Variants in FYCO1 observed in about 807,000 individuals in gnomAD.
The protein encoded by FYCO1 is FYVE and coiled-coil domain autophagy adaptor 1.
A neutral mutation model predicts 165.1 loss-of-function variants in FYCO1; 122 were observed. The observed-to-expected ratio is 0.74, with a 90% CI of 0.64 to 0.86. The LOEUF (loss-of-function observed/expected upper bound fraction) is 0.86. Ranked by LOEUF, FYCO1 falls within the 40% of genes least tolerant of loss-of-function variation. The pLI is 0.00. For synonymous variants in FYCO1, 648 were observed against 742.5 expected (o/e 0.87, Z 2.07); for missense variants, 1,702 against 1,810.3 (o/e 0.94, Z 1.09).
rs139730012 is a variant in FYCO1, at chr3:45,973,132, C to T, written c.495G>A (p.Ala165=). Residue 165 remains alanine, a synonymous_variant, in exon 6 of 18, where the codon GCG becomes GCA. Transcript: ENST00000296137. ...YELTEVQFDL[A]SRGFDLDAAW... is the part of the protein sequence containing the mutation. Reference sequence around the variant, plus strand: ...CAGCATCCAAGTCAAAGCCCCTCGACGCCAGGTCAAACTGAACCTCAGTCA... The same window carrying T: ...CAGCATCCAAGTCAAAGCCCCTCGATGCCAGGTCAAACTGAACCTCAGTCA... 41 of 1,614,122 alleles carry T rather than the reference C, an allele frequency of 2.5e-5. No homozygotes were observed. Among genetic ancestry groups the T allele is most frequent in the African/African-American group, 1.3e-4 (10 of 74,942 alleles).
At chr3:45,983,845 C>T (rs1000321970) in intron 2 of FYCO1, among the ~76,000 whole-genome samples, 2 of 152,186 alleles carry the variant, frequency 1.3e-5, no homozygotes, top group African/African-American at 4.8e-5. Flanking sequence ...CATGAAATGC[C>T]ATGAAATTGT....
rs757459352 is a variant in FYCO1, at chr3:45,968,172, G to A, written c.1162C>T (p.Arg388Trp). 6.8e-6 allele frequency: 11 copies of A among 1,613,908 alleles called. No homozygotes were observed. The highest frequency in any genetic ancestry group is 2.2e-5 in the East Asian group (1 of 44,882). Residue 388 changes from arginine to tryptophan, a missense_variant, in exon 8 of 18, where the codon CGG becomes TGG. Physicochemically the swap from Arg to Trp is moderately radical, Grantham distance 101. Transcript: ENST00000296137. Reference sequence around the variant, plus strand: ...GCATCACTGGGAATAGGTTCTTGCCGGCCCTTTGTGTCTGATGCCGTATCT... The same window carrying A: ...GCATCACTGGGAATAGGTTCTTGCCAGCCCTTTGTGTCTGATGCCGTATCT... ...KADTASDTKG[R>W]QEPIPSDAAQ...
At chr3:45,966,249 G>A (rs779998209) in intron 8 of FYCO1, 28 bp downstream of exon 8, 2 of 1,609,702 alleles carry the variant, frequency 1.2e-6, no homozygotes, top group Non-Finnish European at 1.7e-6. Flanking sequence ...GAGAGGGGTA[G>A]AGCCCAAGTG....
At chr3:45,976,369 G>A (rs1706758705) in intron 4 of FYCO1, among the ~76,000 whole-genome samples, 2 of 152,234 alleles carry the variant, frequency 1.3e-5, no homozygotes. Flanking sequence ...TAATGGCCAA[G>A]GCGGATGGAA....
In FYCO1 at chr3:45,968,426, TC is replaced by T; in HGVS notation, c.907del (p.Glu303ArgfsTer10). The stretch of plus-strand genomic sequence containing the variant: ...AGTGTTCTGGGTGGCCTGGGTGACC[TC>T]CCACTGCTTCTGGAGCTCAGCTACC... ...CLVAELQKQWEVTQATQNTVK... is the reference protein window; with the variant it reads ...CLVAELQKQWXVTQATQNTVK... On this transcript the variant is annotated frameshift_variant, in exon 8 of 18. Coordinates refer to ENST00000296137, the MANE Select transcript of FYCO1 (RefSeq NM_024513.4). LOFTEE classifies it high-confidence loss of function. 1 of 1,613,880 alleles carries T rather than the reference TC, an allele frequency of 6.2e-7. No individual in the cohort carries two copies. The highest frequency in any genetic ancestry group is 8.5e-7 in the Non-Finnish European group (1 of 1,179,952).
Position 45,984,858 on chromosome 3 carries a change from T to A in FYCO1, c.53A>T (p.Gln18Leu), listed in dbSNP as rs777983370. The change falls in exon 2 of 18, where the codon CAA becomes CTA. Residue 18 changes from glutamine (Q) to leucine (L), a missense_variant and splice_region_variant. Physicochemically the swap from Gln to Leu is moderately radical, Grantham distance 113. Transcript: ENST00000296137. ...SQLQRIIRDLQDAVTELSKEF... is the reference protein window; with the variant it reads ...SQLQRIIRDLLDAVTELSKEF... ...GCCTGCCCAGCAACCTACCATACCT[T>A]GCAAGTCTCGGATGATTCTCTGGAG... The A allele has an allele frequency of 1.2e-6, 2 of 1,614,014 alleles. No homozygotes were observed. Among genetic ancestry groups the A allele is most frequent in the Non-Finnish European group, 1.7e-6 (2 of 1,180,014 alleles).
rs1706129555 is a variant in FYCO1, at chr3:45,967,440, T to G, written c.1894A>C (p.Asn632His). 2 of 1,613,478 alleles carry G rather than the reference T, an allele frequency of 1.2e-6. No individual in the cohort carries two copies. The highest frequency in any genetic ancestry group is 2.7e-5 in the African/African-American group (2 of 74,924). ...TGCAGCTTGCCCTCCAGGAGCTGGT[T>G]ACGCCCGACCACATTCTGTAGCTCC... ...EKELQNVVGR[N>H]QLLEGKLQAL... is the part of the protein sequence containing the mutation. Residue 632 changes from asparagine to histidine, a missense_variant, in exon 8 of 18, where the codon AAC (asparagine) becomes CAC (histidine). Physicochemically the swap from Asn to His is moderately conservative, Grantham distance 68. Coordinates refer to ENST00000296137, the MANE Select transcript of FYCO1 (RefSeq NM_024513.4).
chr3:45,932,702 G>A (rs551892410), intron 15 of FYCO1, among the ~76,000 whole-genome samples: 39 of 152,202 alleles, frequency 2.6e-4, no homozygotes, highest in Non-Finnish European at 4.6e-4. Flanking sequence ...TAATGAGAAC[G>A]GTAAGAAATG....
rs1705788216 is a variant in FYCO1, at chr3:45,962,939, C to T, written c.3270-547G>A. Among the ~76,000 whole-genome samples, 1 of 152,182 alleles carries T rather than the reference C, an allele frequency of 6.6e-6. No individual in the cohort carries two copies. Among genetic ancestry groups the T allele is most frequent in the Non-Finnish European group, 1.5e-5 (1 of 68,026 alleles). On this transcript the variant is annotated intron_variant, in intron 10 of 17. Coordinates refer to ENST00000296137, the MANE Select transcript of FYCO1 (RefSeq NM_024513.4). This position sits in a 1 kb window ranked among gnomAD's most constrained non-coding sequence, Gnocchi z 4.4. ...GGCCCAGGGAATTCCGTTTTGGGTG[C>T]TGCAGGGTGTCTCAGTCTATAGCAG...
Position 45,968,483 on chromosome 3 carries a change from G to A in FYCO1, c.851C>T (p.Ala284Val). ...LQTERERGRT[A>V]AEDNVRLTCL... ...AGTGAGGCGAACGTTGTCCTCCGCT[G>A]CAGTGCGCCCCCTCTCCCTCTCTGT... is the stretch of plus-strand genomic sequence containing the variant. Residue 284 changes from alanine to valine, a missense_variant, in exon 8 of 18, where the codon GCA becomes GTA. Physicochemically the swap from Ala to Val is moderately conservative, Grantham distance 64. Transcript: ENST00000296137. 6.2e-7 allele frequency: 1 copy of A among 1,614,032 alleles called. No homozygotes were observed. Among genetic ancestry groups the A allele is most frequent in the Non-Finnish European group, 8.5e-7 (1 of 1,180,048 alleles).
At chr3:45,965,537 T>C (rs1402937213) in intron 8 of FYCO1, among the ~76,000 whole-genome samples, 1 of 152,220 alleles carries the variant, frequency 6.6e-6, no homozygotes, top group Non-Finnish European at 1.5e-5. Context: ...CATTCTGCGC[T>C]GTCTTCACTC....
intron 17 of FYCO1, among the ~76,000 whole-genome samples, chr3:45,922,582 C>T (rs905915695): frequency 6.6e-6 from 1 of 152,194 alleles, no homozygotes; most frequent in Non-Finnish European, 1.5e-5. Context: ...CCAAAGAGAG[C>T]TCTCTGGCCA....
At position 45,995,253 on chromosome 3, in the gene FYCO1, G is replaced by T. The variant is rs1277614970; in HGVS notation, c.-113+469C>A. Among the ~76,000 whole-genome samples the T allele has an allele frequency of 3.3e-5, 5 of 152,240 alleles. No individual in the cohort carries two copies. In the East Asian group the frequency reaches 9.6e-4, roughly 29 times the overall value. ...GAAGCTTCTTCCCCTCCTGGGAAGAGGGCAGAGATCCGAGCACCAGCGGAG... is the reference window on the plus strand; with the variant it reads ...GAAGCTTCTTCCCCTCCTGGGAAGATGGCAGAGATCCGAGCACCAGCGGAG... On this transcript the variant is annotated intron_variant, in intron 1 of 17. Coordinates refer to ENST00000296137, the MANE Select transcript of FYCO1 (RefSeq NM_024513.4).
chr3:45,918,779 C>A lies in FYCO1; in HGVS notation c.*2986G>T, dbSNP rs947361844. The A allele has an allele frequency of 2.6e-5, 4 of 152,212 alleles. No individual in the cohort carries two copies. The highest frequency in any genetic ancestry group is 9.7e-5 in the African/African-American group (4 of 41,450). 9.4% of individuals were successfully genotyped at this position (152,212 alleles called of 1,614,324 possible). A position where few individuals can be genotyped will look rare whatever the true frequency, so the allele number is the denominator to read the frequency against. On this transcript the variant is annotated 3_prime_UTR_variant, in exon 18 of 18. Transcript: ENST00000296137. Reference sequence around the variant, plus strand: ...TATGACGTGGCTTTTCATTTCTATTCTCCAAACCCTGTGGAGTTTTTCAGT... The same window carrying A: ...TATGACGTGGCTTTTCATTTCTATTATCCAAACCCTGTGGAGTTTTTCAGT...
rs774439761 is a variant in FYCO1, at chr3:45,958,388, A to G, written c.3799+20T>C. The G allele has an allele frequency of 6.8e-6, 11 of 1,606,014 alleles. 1 individual carries two copies. The South Asian group carries it at 9.9e-5, about 15-fold the overall frequency. On this transcript the variant is annotated intron_variant, in intron 13 of 17. Transcript: ENST00000296137. The stretch of plus-strand genomic sequence containing the variant: ...GTGGCACCTAGAGAACATAGTAGGC[A>G]GTAGTAGCAGGAGACTGACCTTGGC...
chr3:45,921,825 C>G lies in FYCO1; in HGVS notation c.4377G>C (p.Lys1459Asn), dbSNP rs752719402. ...DNTFSRFVSK[K>N]VFYHLTVDRP... ...GATCAACCGTCAAGTGATAAAATAC[C>G]TTTTTAGAGACAAACCTGAGGAAAC... is the stretch of plus-strand genomic sequence containing the variant. Residue 1459 changes from lysine (K) to asparagine (N), a missense_variant, in exon 18 of 18, where the codon AAG (lysine) becomes AAC (asparagine). Lys to Asn is a moderately conservative substitution (Grantham distance 94). Transcript: ENST00000296137. The G allele has an allele frequency of 6.2e-7, 1 of 1,611,386 alleles. No individual in the cohort carries two copies.
chr3:45,966,527 G>A lies in FYCO1; in HGVS notation c.2807C>T (p.Ala936Val). ...TCGCTCCCTTGAGGCTGCCTCTTTGGCGTCCTGGAGCTCCTGGACAGCACA... is the reference window on the plus strand; with the variant it reads ...TCGCTCCCTTGAGGCTGCCTCTTTGACGTCCTGGAGCTCCTGGACAGCACA... ...LACAVQELQD[A>V]KEAASREREG... The change falls in exon 8 of 18, where the codon GCC (alanine) becomes GTC (valine). Residue 936 changes from alanine (A) to valine (V), a missense_variant. By Grantham distance (64) the Ala-to-Val change is moderately conservative. Transcript: ENST00000296137. The A allele has an allele frequency of 6.2e-7, 1 of 1,613,308 alleles. No individual in the cohort carries two copies. The highest frequency in any genetic ancestry group is 8.5e-7 in the Non-Finnish European group (1 of 1,179,350).
At chr3:45,947,080 T>G in intron 14 of FYCO1, 1 of 1,614,100 alleles carries the variant, frequency 6.2e-7, no homozygotes, top group Admixed American at 1.7e-5. Context: ...ACACTGGGGT[T>G]CTTCTTGCCA....
At chr3:45,968,949 C>A (rs1158365499) in intron 7 of FYCO1, among the ~76,000 whole-genome samples, 2 of 152,210 alleles carry the variant, frequency 1.3e-5, no homozygotes. Context: ...TTGCATTTCC[C>A]ATCCAGCCTT....
Sources: gnomAD v4.1 joint callset for allele counts (sites outside exome capture counted in the v4.1 genomes callset) on GRCh38, gnomAD v4.1.1 for gene constraint, Gnocchi (gnomAD v3.1) non-coding constraint, MANE v1.5 for transcripts, NCBI Gene and HGNC (gene_info 2026-07-23, HGNC 2026-07-21) for gene names.